COL26A1: variants seen among roughly 807,000 people sequenced by gnomAD.
COL26A1 encodes collagen type XXVI alpha 1 chain.
A neutral mutation model predicts 59.3 loss-of-function variants in COL26A1; 41 were observed. The ratio of observed to expected loss-of-function variants is 0.69; its 90% CI spans 0.54 to 0.90. The LOEUF (loss-of-function observed/expected upper bound fraction) is 0.90. Among genes scored for constraint, COL26A1 ranks in the 40% least tolerant of loss-of-function variants. COL26A1 has a pLI of 0.00. For synonymous variants in COL26A1, 266 were observed against 256.0 expected (o/e 1.04, Z -0.37); for missense variants, 612 against 602.3 (o/e 1.02, Z -0.17).
chr7:101,412,701 A>G (rs1385879870), intron 1 of COL26A1, among the ~76,000 whole-genome samples: 1 of 150,660 alleles, frequency 6.6e-6, no homozygotes, highest in Non-Finnish European at 1.5e-5. Context: ...CCTGCCTCTG[A>G]GCTGCTACTC....
chr7:101,489,814 CTT>C (rs1248331146), intron 3 of COL26A1, among the ~76,000 whole-genome samples: 43 of 4,298 alleles, frequency 0.01, 4 homozygotes, highest in Admixed American at 0.037. Flanking sequence ...TTCTTTCTTT[CTT>C]TCTTTCTTTC....
chr7:101,454,491 T>C (rs1163867043), intron 3 of COL26A1, among the ~76,000 whole-genome samples: 1 of 152,052 alleles, frequency 6.6e-6, no homozygotes, highest in African/African-American at 2.4e-5. Context: ...ACTCCTGACC[T>C]CAGATGATCC....
chr7:101,550,784 G>C (rs1795843675), intron 9 of COL26A1, among the ~76,000 whole-genome samples: 1 of 152,116 alleles, frequency 6.6e-6, no homozygotes, highest in Non-Finnish European at 1.5e-5. Context: ...TGGGACCCTG[G>C]CCATCGCTGT....
chr7:101,429,255 T>C (rs1327831882), intron 2 of COL26A1, among the ~76,000 whole-genome samples: 1 of 152,154 alleles, frequency 6.6e-6, no homozygotes, highest in Non-Finnish European at 1.5e-5. Context: ...TTTATCGTTT[T>C]CTGTTTCACA....
chr7:101,530,681 G>C lies in COL26A1; in HGVS notation c.386-2401G>C, dbSNP rs143101488. 9.6e-4 allele frequency among the ~76,000 whole-genome samples: 145 copies of C among 151,738 alleles called. 2 individuals carry two copies. Among genetic ancestry groups the C allele is most frequent in the African/African-American group, 3.0e-3 (126 of 41,362 alleles). On this transcript the variant is annotated intron_variant, in intron 3 of 12. Transcript: ENST00000313669. ...TTTCAGGGACTCCACCGTTTCATCA[G>C]GGATGTTCCCAAATGTCAGCGTCGG...
chr7:101,387,326 G>C (rs1028276595), intron 1 of COL26A1, among the ~76,000 whole-genome samples: 96 of 151,632 alleles, frequency 6.3e-4, no homozygotes, highest in South Asian at 4.2e-4. Context: ...CAGGGTTCAG[G>C]CTCCTGTGGT....
At chr7:101,493,475 G>C (rs1010198567) in intron 3 of COL26A1, among the ~76,000 whole-genome samples, 1 of 152,128 alleles carries the variant, frequency 6.6e-6, no homozygotes, top group Non-Finnish European at 1.5e-5. Context: ...GAGAACAGCT[G>C]TCACCTTGGC....
At chr7:101,533,025 C>A in intron 3 of COL26A1, 57 bp from the exon 4 acceptor site, 2 of 1,344,558 alleles carry the variant, frequency 1.5e-6, no homozygotes, top group Non-Finnish European at 1.0e-6. Flanking sequence ...GGTGACTGGG[C>A]TGCTGTCTTC....
chr7:101,440,602 G>T (rs767108554), intron 2 of COL26A1, among the ~76,000 whole-genome samples: 2 of 152,168 alleles, frequency 1.3e-5, no homozygotes, highest in Non-Finnish European at 2.9e-5. Context: ...TGTGCCCCAC[G>T]CCTGGACTTG....
At chr7:101,470,734 A>G (rs1335787938) in intron 3 of COL26A1, among the ~76,000 whole-genome samples, 2 of 151,888 alleles carry the variant, frequency 1.3e-5, no homozygotes, top group Non-Finnish European at 2.9e-5. Flanking sequence ...GGGTTTTTAT[A>G]TGGGGTCTCG....
chr7:101,526,951 C>A (rs138407627), intron 3 of COL26A1, among the ~76,000 whole-genome samples: 2 of 152,076 alleles, frequency 1.3e-5, no homozygotes, highest in African/African-American at 4.8e-5. Context: ...ATGAACACAC[C>A]GCACAATCAA....
intron 2 of COL26A1, among the ~76,000 whole-genome samples, chr7:101,432,529 G>A (rs1011313704): frequency 1.3e-5 from 2 of 152,128 alleles, no homozygotes; most frequent in Non-Finnish European, 2.9e-5. Flanking sequence ...AGGATGTCAG[G>A]CATGAGAGGT....
chr7:101,393,148 T>C (rs1254591072), intron 1 of COL26A1, among the ~76,000 whole-genome samples: 1 of 152,054 alleles, frequency 6.6e-6, no homozygotes, highest in Non-Finnish European at 1.5e-5. Context: ...ATTACAGGCG[T>C]GTGCCACCAT....
intron 10 of COL26A1, among the ~76,000 whole-genome samples, 173 bp downstream of exon 10, chr7:101,551,316 G>A (rs1159365067): frequency 2.0e-5 from 3 of 152,162 alleles, no homozygotes; most frequent in East Asian, 3.9e-4. Context: ...CCTGCTGCGG[G>A]GTGAGGAGGG....
At position 101,463,093 on chromosome 7, in the gene COL26A1, T is replaced by C. The variant is rs377076090; in HGVS notation, c.385+15306T>C. 7.9e-5 allele frequency among the ~76,000 whole-genome samples: 12 copies of C among 152,354 alleles called. No homozygotes were observed. In the South Asian group the frequency reaches 1.2e-3, roughly 16 times the overall value. On this transcript the variant is annotated intron_variant, in intron 3 of 12. Transcript: ENST00000313669. The stretch of plus-strand genomic sequence containing the variant: ...TTCTCTGCCAATAGTTGTGCTGTCC[T>C]GACCTAAGCTTACCTTCTCTAAATG...
chr7:101,410,266 C>T (rs1792214079), intron 1 of COL26A1, among the ~76,000 whole-genome samples: 1 of 152,104 alleles, frequency 6.6e-6, no homozygotes, highest in Non-Finnish European at 1.5e-5. Context: ...AAAAGTATTG[C>T]AAAGACCAGT....
chr7:101,406,017 G>T (rs1315706405), intron 1 of COL26A1, among the ~76,000 whole-genome samples: 2 of 152,178 alleles, frequency 1.3e-5, no homozygotes, highest in Non-Finnish European at 2.9e-5. Context: ...CGTGGAGTAG[G>T]TCGTGCACTC....
intron 2 of COL26A1, among the ~76,000 whole-genome samples, chr7:101,443,220 C>T (rs1254789602): frequency 6.6e-6 from 1 of 152,152 alleles, no homozygotes; most frequent in Non-Finnish European, 1.5e-5. Context: ...CTCCCAAAAG[C>T]TGGGGGCTTT....
intron 1 of COL26A1, among the ~76,000 whole-genome samples, chr7:101,410,322 G>A (rs946678344): frequency 6.6e-6 from 1 of 152,192 alleles, no homozygotes; most frequent in African/African-American, 2.4e-5. Flanking sequence ...AGTTATTACA[G>A]AAGAGCAAAC....
Sources: allele counts gnomAD v4.1 joint callset (sites outside exome capture counted in the v4.1 genomes callset), GRCh38; gene constraint gnomAD v4.1.1; transcripts MANE v1.5; gene names NCBI Gene and HGNC (gene_info 2026-07-23, HGNC 2026-07-21).